METTL24: variants seen among roughly 807,000 people sequenced by gnomAD.
The protein encoded by METTL24 is methyltransferase like 24, also known as probable methyltransferase-like protein 24.
METTL24 carries 29 observed loss-of-function variants against 32.7 expected under a neutral mutation model. That is an observed-to-expected ratio of 0.89 (90% CI 0.66 to 1.21). The LOEUF is 1.21. Among genes scored for constraint, METTL24 ranks in the 50% most tolerant of loss-of-function variants. The probability of loss-of-function intolerance (pLI) is 0.00; values close to 1 mark genes in which losing one functional copy is unlikely to be tolerated. For synonymous variants in METTL24, 163 were observed against 179.5 expected (o/e 0.91, Z 0.73); for missense variants, 439 against 468.1 (o/e 0.94, Z 0.57).
Position 110,245,233 on chromosome 6 carries a change from T to C in METTL24, c.*713A>G, listed in dbSNP as rs919684913. ...AAGGCCTGAATAGAACCTAAGGCAGTAAGGAAGAATTAATTCTCTGTCTGG... is the reference window on the plus strand; with the variant it reads ...AAGGCCTGAATAGAACCTAAGGCAGCAAGGAAGAATTAATTCTCTGTCTGG... On this transcript the variant is annotated 3_prime_UTR_variant, in exon 5 of 5. Transcript: ENST00000338882. Among the ~76,000 whole-genome samples the C allele has an allele frequency of 6.6e-6, 1 of 152,168 alleles. No individual in the cohort carries two copies. The highest frequency in any genetic ancestry group is 2.4e-5 in the African/African-American group (1 of 41,438).
At chr6:110,258,829 C>G (rs1489269211) in intron 4 of METTL24, among the ~76,000 whole-genome samples, 1 of 149,878 alleles carries the variant, frequency 6.7e-6, no homozygotes, top group African/African-American at 2.5e-5. Context: ...CACAACAAAA[C>G]AAAACAAAAG....
At chr6:110,271,503 A>G (rs1274641600) in intron 4 of METTL24, among the ~76,000 whole-genome samples, 1 of 152,132 alleles carries the variant, frequency 6.6e-6, no homozygotes, top group African/African-American at 2.4e-5. Flanking sequence ...TTGTTTCCAA[A>G]AAATTCAGTG....
chr6:110,294,303 GATAATA>G (rs972749311), intron 4 of METTL24, among the ~76,000 whole-genome samples: 34 of 152,096 alleles, frequency 2.2e-4, no homozygotes, highest in Admixed American at 8.5e-4. Flanking sequence ...TAAAACTCCA[GATAATA>G]ATAATGTGGG....
chr6:110,273,911 G>A (rs1770999010), intron 4 of METTL24, among the ~76,000 whole-genome samples: 2 of 152,184 alleles, frequency 1.3e-5, no homozygotes, highest in Admixed American at 1.3e-4. Flanking sequence ...ATATGAAAAA[G>A]ACAGATGCAC....
intron 1 of METTL24, among the ~76,000 whole-genome samples, chr6:110,355,237 G>A (rs1772680361): frequency 6.6e-6 from 1 of 152,118 alleles, no homozygotes; most frequent in South Asian, 2.1e-4. Flanking sequence ...AGGTTTCTGG[G>A]CTATGAACCT....
intron 4 of METTL24, among the ~76,000 whole-genome samples, chr6:110,257,655 C>A (rs551822521): frequency 3.3e-5 from 5 of 152,288 alleles, no homozygotes; most frequent in African/African-American, 9.6e-5. Flanking sequence ...AAGAGCCCAG[C>A]TGCCGATGAT....
intron 4 of METTL24, among the ~76,000 whole-genome samples, chr6:110,262,553 T>A (rs1418846430): frequency 6.6e-6 from 1 of 152,064 alleles, no homozygotes; most frequent in Admixed American, 6.6e-5. Context: ...GGAGGAGCTA[T>A]TACCATTCCT....
At chr6:110,296,825 G>A (rs549344926) in intron 4 of METTL24, among the ~76,000 whole-genome samples, 6 of 152,098 alleles carry the variant, frequency 3.9e-5, no homozygotes, top group South Asian at 2.1e-4. Context: ...TTCCCCTGCC[G>A]CAGCCACATC....
At chr6:110,295,251 T>C (rs1771392883) in intron 4 of METTL24, among the ~76,000 whole-genome samples, 1 of 152,172 alleles carries the variant, frequency 6.6e-6, no homozygotes, top group Non-Finnish European at 1.5e-5. Flanking sequence ...ATGTGCTATG[T>C]TGCCCCAGCT....
At chr6:110,345,291 G>T (rs1772448869) in intron 1 of METTL24, among the ~76,000 whole-genome samples, 1 of 152,208 alleles carries the variant, frequency 6.6e-6, no homozygotes, top group Admixed American at 6.5e-5. Context: ...TGCTGGCAAG[G>T]TTATGGAGAA....
intron 4 of METTL24, among the ~76,000 whole-genome samples, chr6:110,248,756 C>CAA (rs892714365): frequency 3.4e-5 from 5 of 148,378 alleles, no homozygotes; most frequent in Non-Finnish European, 1.5e-5. Flanking sequence ...CTCATCTCTA[C>CAA]AAAAAAAAAT....
chr6:110,283,261 C>T (rs1771168241), intron 4 of METTL24, among the ~76,000 whole-genome samples: 1 of 152,178 alleles, frequency 6.6e-6, no homozygotes, highest in Admixed American at 6.5e-5. Context: ...TTTCATCTTA[C>T]ATCCACAGGC....
At chr6:110,250,090 C>T (rs4516983) in intron 4 of METTL24, among the ~76,000 whole-genome samples, 10,996 of 151,880 alleles carry the variant, frequency 0.072, 652 homozygotes, top group African/African-American at 0.16. Flanking sequence ...TGCAGAGATT[C>T]GAGGAAAGGG....
chr6:110,281,438 C>T (rs571772302), intron 4 of METTL24, among the ~76,000 whole-genome samples: 9 of 151,922 alleles, frequency 5.9e-5, no homozygotes, highest in South Asian at 4.2e-4. Flanking sequence ...ATCAGAAGTT[C>T]GAGACCAGCC....
At chr6:110,255,051 A>G (rs922786895) in intron 4 of METTL24, among the ~76,000 whole-genome samples, 4 of 152,212 alleles carry the variant, frequency 2.6e-5, no homozygotes, top group African/African-American at 7.2e-5. Flanking sequence ...ATGTAACGGT[A>G]CAAGACTTCT....
At chr6:110,311,180 G>A (rs1193992965) in intron 3 of METTL24, among the ~76,000 whole-genome samples, 1 of 152,110 alleles carries the variant, frequency 6.6e-6, no homozygotes, top group Non-Finnish European at 1.5e-5. Flanking sequence ...TATCAGTTGA[G>A]GTGTTGTCAG....
intron 4 of METTL24, among the ~76,000 whole-genome samples, chr6:110,287,196 C>T (rs1466276317): frequency 6.6e-6 from 1 of 152,154 alleles, no homozygotes; most frequent in East Asian, 1.9e-4. Context: ...CAAATCTCAC[C>T]TTTATGGATG....
At chr6:110,289,531 T>A (rs541174932) in intron 4 of METTL24, among the ~76,000 whole-genome samples, 1 of 151,898 alleles carries the variant, frequency 6.6e-6, no homozygotes, top group East Asian at 1.9e-4. Context: ...CTAGCCTGGA[T>A]ATAGTTAAAA....
rs563112265 is a variant in METTL24, at chr6:110,292,869, AT to A, written c.786+6052del. ...TTACTGACACATCCATCTTTTCTCT[AT>A]GATTTGAGATAGTGCCTTTATCATA... On this transcript the variant is annotated intron_variant, in intron 4 of 4. Transcript: ENST00000338882. Among the ~76,000 whole-genome samples, 22 of 152,160 alleles carry A rather than the reference AT, an allele frequency of 1.4e-4. No homozygotes were observed. The South Asian group carries it at 4.6e-3, about 32-fold the overall frequency.
Sources: allele counts gnomAD v4.1 joint callset (sites outside exome capture counted in the v4.1 genomes callset), GRCh38; gene constraint gnomAD v4.1.1; transcripts MANE v1.5; gene names NCBI Gene and HGNC (gene_info 2026-07-23, HGNC 2026-07-21).